Variants in CCDC125 observed in about 807,000 individuals in gnomAD.
CCDC125 encodes coiled-coil domain containing 125, also known as coiled-coil domain-containing protein 125.
CCDC125 carries 43 observed loss-of-function variants against 57.4 expected under a neutral mutation model. That is an observed-to-expected ratio of 0.75 (90% CI 0.59 to 0.97). CCDC125 has a LOEUF of 0.97. Ranked by LOEUF, CCDC125 falls within the 50% of genes least tolerant of loss-of-function variation. CCDC125 has a pLI of 0.00. For missense variants in CCDC125, 563 were observed against 595.7 expected (o/e 0.95, Z 0.57); for synonymous variants, 187 against 195.2 (o/e 0.96, Z 0.35).
chr5:69,327,857 T>A (rs563864650), intron 1 of CCDC125, among the ~76,000 whole-genome samples: 1 of 152,330 alleles, frequency 6.6e-6, no homozygotes, highest in African/African-American at 2.4e-5. Context: ...TGTATCAGCA[T>A]TTTCCAAAGT....
intron 1 of CCDC125, among the ~76,000 whole-genome samples, chr5:69,329,275 C>T (rs1286034002): frequency 2.0e-5 from 3 of 151,278 alleles, no homozygotes; most frequent in African/African-American, 7.3e-5. Context: ...GTGACCCTCC[C>T]ATCTCAGCCT....
At position 69,282,984 on chromosome 5, in the gene CCDC125, C is replaced by T. The variant is rs1752658718; in HGVS notation, c.1281G>A (p.Met427Ile). ...CTTTGTCTTCCAATGCCCGAGCAAGCATGTAGCTAACTTTTCTTTGATGAG... is the reference window on the plus strand; with the variant it reads ...CTTTGTCTTCCAATGCCCGAGCAAGTATGTAGCTAACTTTTCTTTGATGAG... ...ALAHQRKVSYMLARALEDKDT... is the reference protein window; with the variant it reads ...ALAHQRKVSYILARALEDKDT... The change falls in exon 12 of 12, where the codon ATG becomes ATA. Residue 427 changes from methionine (M) to isoleucine (I), a missense_variant. Met to Ile is a conservative substitution (Grantham distance 10). Coordinates refer to ENST00000396496, the MANE Select transcript of CCDC125 (RefSeq NM_176816.5). 1 of 1,609,176 alleles carries T rather than the reference C, an allele frequency of 6.2e-7. No individual in the cohort carries two copies. Among genetic ancestry groups the T allele is most frequent in the Non-Finnish European group, 8.5e-7 (1 of 1,178,340 alleles).
At chr5:69,286,330 C>T (rs1321702756) in intron 10 of CCDC125, among the ~76,000 whole-genome samples, 3 of 148,818 alleles carry the variant, frequency 2.0e-5, no homozygotes, top group Admixed American at 6.8e-5. Context: ...CTCCCGGGTT[C>T]GCGCCATTCT....
chr5:69,278,865 ATT>A (rs35764556), downstream of CCDC125, among the ~76,000 whole-genome samples: 5 of 139,172 alleles, frequency 3.6e-5, no homozygotes, highest in Admixed American at 1.5e-4. Flanking sequence ...TGCCTGGTTA[ATT>A]TTTTTTTTTT....
chr5:69,279,015 G>A (rs1262450951), downstream of CCDC125, among the ~76,000 whole-genome samples: 1 of 151,572 alleles, frequency 6.6e-6, no homozygotes, highest in Non-Finnish European at 1.5e-5. Context: ...TTACAAATGT[G>A]TACCACCATG....
chr5:69,318,933 G>C (rs907338253), intron 2 of CCDC125, among the ~76,000 whole-genome samples: 13 of 150,618 alleles, frequency 8.6e-5, no homozygotes, highest in Non-Finnish European at 1.6e-4. Flanking sequence ...GCAGGGTTTT[G>C]GTTTTTTTTC....
chr5:69,303,908 G>T lies in CCDC125; in HGVS notation c.639C>A (p.Val213=). Residue 213 remains valine (V), a synonymous_variant, in exon 7 of 12, where the codon GTC becomes GTA. Transcript: ENST00000396496. ...KYDRLNCENA[V]LKENLKVKTE... ...TTTTCACTTTCAAATTCTCTTTGAG[G>T]ACTGCATTTTCACAGTTTAGCCTGG... 1 of 1,604,838 alleles carries T rather than the reference G, an allele frequency of 6.2e-7. No homozygotes were observed. The highest frequency in any genetic ancestry group is 8.5e-7 in the Non-Finnish European group (1 of 1,176,100).
At chr5:69,276,818 T>G (rs114027758), downstream of CCDC125, 14,929 of 846,164 alleles carry the variant, frequency 0.018, 312 homozygotes, top group Admixed American at 0.1. Context: ...TAAATTTAAT[T>G]GTATAAAGTA....
At chr5:69,307,738 A>G in intron 5 of CCDC125, 1 of 550,650 alleles carries the variant, frequency 1.8e-6, no homozygotes, top group Non-Finnish European at 3.2e-6. Flanking sequence ...GCCTCCTACT[A>G]CCTTAACATG....
downstream of CCDC125, among the ~76,000 whole-genome samples, chr5:69,279,445 C>T (rs1752365780): frequency 6.6e-6 from 1 of 152,184 alleles, no homozygotes; most frequent in African/African-American, 2.4e-5. Flanking sequence ...ATCCGCCCAC[C>T]TTGGCCTCCC....
intron 1 of CCDC125, among the ~76,000 whole-genome samples, chr5:69,330,897 A>G (rs1255170840): frequency 6.6e-6 from 1 of 152,144 alleles, no homozygotes; most frequent in Non-Finnish European, 1.5e-5. Flanking sequence ...TACTGCTGCC[A>G]AGTCAATAAT....
chr5:69,283,792 A>ATTT (rs35950289), intron 11 of CCDC125, among the ~76,000 whole-genome samples: 2 of 139,692 alleles, frequency 1.4e-5, no homozygotes, highest in Non-Finnish European at 3.1e-5. Flanking sequence ...CAGGCTGACA[A>ATTT]TTTTTTTTTT....
chr5:69,284,355 T>G (rs1752973287), intron 11 of CCDC125, among the ~76,000 whole-genome samples: 1 of 152,182 alleles, frequency 6.6e-6, no homozygotes, highest in African/African-American at 2.4e-5. Context: ...AACCTGAGTC[T>G]CAGTGTCTTA....
chr5:69,293,329 C>A (rs1754779630), intron 9 of CCDC125, among the ~76,000 whole-genome samples: 1 of 152,102 alleles, frequency 6.6e-6, no homozygotes, highest in South Asian at 2.1e-4. Flanking sequence ...TGGCTACTGT[C>A]CAAATGTTGG....
rs561877827 is a variant in CCDC125, at chr5:69,316,569, CT to C, written c.305-2524del. ...TTAGCCCACTGAAATTTATTTGGGA[CT>C]TTTTTTCCCACAGAGAGAGGGTCTT... On this transcript the variant is annotated intron_variant, in intron 2 of 11. Coordinates refer to ENST00000396496, the MANE Select transcript of CCDC125 (RefSeq NM_176816.5). 2.1e-3 allele frequency among the ~76,000 whole-genome samples: 321 copies of C among 152,270 alleles called. 2 individuals are homozygous for C. Among genetic ancestry groups the C allele is most frequent in the African/African-American group, 7.5e-3 (310 of 41,556 alleles).
At chr5:69,314,243 T>C (rs1175641036) in intron 2 of CCDC125, among the ~76,000 whole-genome samples, 197 bp from the exon 3 acceptor site, 2 of 152,100 alleles carry the variant, frequency 1.3e-5, no homozygotes, top group Non-Finnish European at 2.9e-5. Flanking sequence ...GGCGGGCAGA[T>C]CACTTGAGGT....
chr5:69,287,009 A>AC (rs904209369), intron 10 of CCDC125, among the ~76,000 whole-genome samples: 1 of 151,576 alleles, frequency 6.6e-6, no homozygotes, highest in African/African-American at 2.4e-5. Flanking sequence ...AAAAAAAAAA[A>AC]AAAACCCAAA....
At chr5:69,317,199 C>T (rs377114436) in intron 2 of CCDC125, among the ~76,000 whole-genome samples, 34 of 151,948 alleles carry the variant, frequency 2.2e-4, no homozygotes, top group East Asian at 2.0e-3. Flanking sequence ...TTAGTAGAGA[C>T]GGGGTTTCAC....
chr5:69,285,492 C>A (rs765948809), intron 10 of CCDC125, 25 bp from the exon 11 acceptor site: 8 of 1,582,532 alleles, frequency 5.1e-6, no homozygotes, highest in Non-Finnish European at 6.8e-6. Flanking sequence ...GAGAATCCAG[C>A]TGAGACATTA....
Sources: allele counts gnomAD v4.1 joint callset (sites outside exome capture counted in the v4.1 genomes callset), GRCh38; gene constraint gnomAD v4.1.1; transcripts MANE v1.5; gene names NCBI Gene and HGNC (gene_info 2026-07-23, HGNC 2026-07-21).